SLIT2: variants seen among roughly 807,000 people sequenced by gnomAD.
SLIT2 encodes the protein slit homolog 2 protein.
In SLIT2, 41 loss-of-function variants were observed where a neutral mutation model predicts 185.7. The ratio of observed to expected loss-of-function variants is 0.22; its 90% CI spans 0.17 to 0.29. The LOEUF is 0.29. SLIT2 is among the 10% of genes least tolerant of loss of function. The pLI is 1.00. For missense variants in SLIT2, 1,571 were observed against 1,909.0 expected (o/e 0.82, Z 3.30); for synonymous variants, 693 against 680.2 (o/e 1.02, Z -0.29).
chr4:20,431,615 A>G (rs1728985971), intron 4 of SLIT2, among the ~76,000 whole-genome samples: 1 of 152,216 alleles, frequency 6.6e-6, no homozygotes. Context: ...AGACAGCAGG[A>G]GGCAGTGGTC....
chr4:20,567,494 C>G lies in SLIT2; in HGVS notation c.2851-24C>G, dbSNP rs1436056458. ...ATGTGCCAAGAACTACTTCACTCGA[C>G]TATACTTGCCCCTTCTTCTCCAGGG... On this transcript the variant is annotated intron_variant, in intron 27 of 36. Transcript: ENST00000504154. 1.9e-6 allele frequency: 3 copies of G among 1,609,972 alleles called. No individual in the cohort carries two copies. The South Asian group carries it at 3.3e-5, about 18-fold the overall frequency.
chr4:20,600,323 C>T (rs1452581464), intron 33 of SLIT2, among the ~76,000 whole-genome samples: 4 of 150,126 alleles, frequency 2.7e-5, no homozygotes, highest in Non-Finnish European at 5.9e-5. Context: ...CCTACCATAA[C>T]GAGTTTGTTT....
rs547687730 is a variant in SLIT2, at chr4:20,357,046, T to A, written c.395+88165T>A. ...ATACAATTTTTCTTCTCTATTGAAT[T>A]TGATTTAAAATTTTGTTAAACCAGC... On this transcript the variant is annotated intron_variant, in intron 4 of 36. Coordinates refer to ENST00000504154, the MANE Select transcript of SLIT2 (RefSeq NM_004787.4). 5.1e-4 allele frequency among the ~76,000 whole-genome samples: 77 copies of A among 152,360 alleles called. No homozygotes were observed. In the South Asian group the frequency reaches 0.014, roughly 29 times the overall value.
chr4:20,484,609 A>C lies in SLIT2; in HGVS notation c.540-1591A>C, dbSNP rs1316680040. 7.9e-5 allele frequency among the ~76,000 whole-genome samples: 12 copies of C among 152,160 alleles called. No homozygotes were observed. On this transcript the variant is annotated intron_variant, in intron 6 of 36. Transcript: ENST00000504154. This position sits in a 1 kb window ranked among gnomAD's most constrained non-coding sequence, Gnocchi z 4.3. ...TGTCAATCTCTTGACCTCTGAACGC[A>C]CCATCAATAACCGCAGCCACCAACT... is the stretch of plus-strand genomic sequence containing the variant.
chr4:20,594,307 G>A (rs995870958), intron 30 of SLIT2, among the ~76,000 whole-genome samples: 1 of 151,036 alleles, frequency 6.6e-6, no homozygotes, highest in Admixed American at 6.6e-5. Context: ...ATATATATGT[G>A]TGTGTATATA....
intron 4 of SLIT2, among the ~76,000 whole-genome samples, chr4:20,358,697 G>A (rs1263165237): frequency 1.3e-5 from 2 of 151,944 alleles, no homozygotes; most frequent in African/African-American, 4.8e-5. Context: ...ATTAAACTCA[G>A]GGTTGTCTTA....
intron 3 of SLIT2, among the ~76,000 whole-genome samples, chr4:20,261,423 T>G (rs1712459664): frequency 2.0e-5 from 3 of 151,606 alleles, no homozygotes; most frequent in Non-Finnish European, 4.4e-5. Flanking sequence ...TTAATTTGAG[T>G]TTTTTTTGGA....
intron 4 of SLIT2, among the ~76,000 whole-genome samples, chr4:20,459,329 TGAAA>T (rs1713441259): frequency 6.6e-6 from 1 of 152,110 alleles, no homozygotes; most frequent in Non-Finnish European, 1.5e-5. Flanking sequence ...AAACATACCC[TGAAA>T]GAAACAGAAT....
chr4:20,349,367 A>C (rs1721686445), intron 4 of SLIT2, among the ~76,000 whole-genome samples: 1 of 152,160 alleles, frequency 6.6e-6, no homozygotes, highest in African/African-American at 2.4e-5. Flanking sequence ...GTGCACAGCT[A>C]TTGGGCTGTA....
At chr4:20,286,269 T>C (rs1472239533) in intron 4 of SLIT2, among the ~76,000 whole-genome samples, 1 of 152,156 alleles carries the variant, frequency 6.6e-6, no homozygotes, top group African/African-American at 2.4e-5. Flanking sequence ...ACAGGGAGCT[T>C]GTTATCCTCT....
chr4:20,362,086 C>CTAAT (rs1292176040), intron 4 of SLIT2, among the ~76,000 whole-genome samples: 1 of 152,118 alleles, frequency 6.6e-6, no homozygotes, highest in Non-Finnish European at 1.5e-5. Context: ...AAGGGACAGC[C>CTAAT]TAATTAGCCC....
At chr4:20,577,109 T>C (rs1453139296) in intron 29 of SLIT2, among the ~76,000 whole-genome samples, 1 of 152,148 alleles carries the variant, frequency 6.6e-6, no homozygotes, top group Non-Finnish European at 1.5e-5. Flanking sequence ...GCAAAAACTC[T>C]TTGGCTTTGA....
intron 4 of SLIT2, among the ~76,000 whole-genome samples, chr4:20,339,071 T>C (rs945914851): frequency 8.3e-6 from 1 of 119,764 alleles, no homozygotes; most frequent in Non-Finnish European, 1.6e-5. Flanking sequence ...CCAGCCTGCA[T>C]GATAAAGTGA....
chr4:20,599,488 A>T (rs576310983), intron 33 of SLIT2, among the ~76,000 whole-genome samples: 1 of 152,180 alleles, frequency 6.6e-6, no homozygotes, highest in Non-Finnish European at 1.5e-5. Context: ...TCTGTAAAAG[A>T]TCTAAATTTT....
intron 32 of SLIT2, among the ~76,000 whole-genome samples, chr4:20,597,816 C>A (rs1041489912): frequency 6.6e-6 from 1 of 152,068 alleles, no homozygotes; most frequent in South Asian, 2.1e-4. Context: ...CCTTTAAAAG[C>A]CAAAATGGGC....
At chr4:20,618,105 C>G (rs568776721) in intron 36 of SLIT2, among the ~76,000 whole-genome samples, 36 of 152,264 alleles carry the variant, frequency 2.4e-4, no homozygotes, top group Non-Finnish European at 3.8e-4. Context: ...GCCTTAGAAT[C>G]GACTGATTTA....
intron 4 of SLIT2, among the ~76,000 whole-genome samples, chr4:20,410,085 G>A (rs893489637): frequency 2.0e-5 from 3 of 151,998 alleles, no homozygotes; most frequent in South Asian, 4.1e-4. Context: ...GATCCCATTT[G>A]TCAAGTTTTG....
At chr4:20,393,933 C>T (rs983914898) in intron 4 of SLIT2, among the ~76,000 whole-genome samples, 1 of 152,030 alleles carries the variant, frequency 6.6e-6, no homozygotes, top group Non-Finnish European at 1.5e-5. Context: ...GGATAGCCAG[C>T]AGTGCTGAAT....
intron 26 of SLIT2, among the ~76,000 whole-genome samples, chr4:20,556,839 AG>A (rs1304399587): frequency 6.6e-6 from 1 of 152,126 alleles, no homozygotes; most frequent in Non-Finnish European, 1.5e-5. Context: ...GTGAATACAA[AG>A]CAAAAGTTCT....
Sources: allele counts gnomAD v4.1 joint callset (sites outside exome capture counted in the v4.1 genomes callset), GRCh38; gene constraint gnomAD v4.1.1; non-coding constraint Gnocchi (gnomAD v3.1); transcripts MANE v1.5; gene names NCBI Gene and HGNC (gene_info 2026-07-23, HGNC 2026-07-21).